The following CSMD1 variants were observed in gnomAD, a reference collection of about 807,000 sequenced individuals.
The protein encoded by CSMD1 is CUB and Sushi multiple domains 1.
A neutral mutation model predicts 417.5 loss-of-function variants in CSMD1; 213 were observed. The ratio of observed to expected loss-of-function variants is 0.51; its 90% CI spans 0.46 to 0.57. CSMD1 has a LOEUF of 0.57. Among genes scored for constraint, CSMD1 ranks in the 20% least tolerant of loss-of-function variants. CSMD1 has a pLI of 0.00. For missense variants in CSMD1, 6,923 were observed against 4,529.7 expected (o/e 1.53, Z -15.17); for synonymous variants, 2,862 against 1,736.8 (o/e 1.65, Z -16.11).
intron 1 of CSMD1, among the ~76,000 whole-genome samples, chr8:4,953,367 T>C (rs1370526128): frequency 6.6e-6 from 1 of 152,144 alleles, no homozygotes; most frequent in Non-Finnish European, 1.5e-5. Context: ...TGAATCACCA[T>C]TTATGGAAGG....
At chr8:4,447,934 C>A (rs1798909623) in intron 2 of CSMD1, among the ~76,000 whole-genome samples, 1 of 152,074 alleles carries the variant, frequency 6.6e-6, no homozygotes, top group African/African-American at 2.4e-5. Context: ...AATTACCACA[C>A]TCACCATATT....
intron 45 of CSMD1, chr8:3,107,299 T>G (rs542515987): frequency 6.3e-6 from 1 of 159,082 alleles, no homozygotes; most frequent in African/African-American, 2.4e-5. Flanking sequence ...CCAGTTTCAA[T>G]GAAATGTCAC....
intron 37 of CSMD1, among the ~76,000 whole-genome samples, chr8:3,177,682 C>T (rs896665429): frequency 2.0e-5 from 3 of 152,116 alleles, no homozygotes; most frequent in African/African-American, 7.2e-5. Flanking sequence ...AATAGAAACA[C>T]TCCAGTCTCG....
intron 10 of CSMD1, among the ~76,000 whole-genome samples, chr8:3,565,055 T>C (rs1193855225): frequency 7.2e-6 from 1 of 138,332 alleles, no homozygotes; most frequent in Admixed American, 8.0e-5. Context: ...AACCTGCACA[T>C]CCTGCACATG....
chr8:4,986,956 T>A (rs1563937297), intron 1 of CSMD1, among the ~76,000 whole-genome samples: 1 of 152,154 alleles, frequency 6.6e-6, no homozygotes, highest in Non-Finnish European at 1.5e-5. Flanking sequence ...CCTATCTATA[T>A]TTAAAATATA....
intron 10 of CSMD1, among the ~76,000 whole-genome samples, chr8:3,508,245 T>C (rs536277199): frequency 6.2e-4 from 95 of 152,122 alleles, no homozygotes; most frequent in African/African-American, 2.1e-3. Flanking sequence ...TTAAGTGGTG[T>C]CTGTGACAGA....
chr8:4,605,102 C>A (rs756375459), intron 2 of CSMD1, among the ~76,000 whole-genome samples: 4 of 152,126 alleles, frequency 2.6e-5, no homozygotes, highest in Admixed American at 2.0e-4. Flanking sequence ...TAACCTGTAC[C>A]AAAGTATTTT....
intron 3 of CSMD1, among the ~76,000 whole-genome samples, chr8:4,343,455 A>G (rs1422790800): frequency 6.6e-6 from 1 of 152,146 alleles, no homozygotes; most frequent in Non-Finnish European, 1.5e-5. Context: ...GTGGTGATGA[A>G]TATGTTACTT....
intron 6 of CSMD1, among the ~76,000 whole-genome samples, chr8:3,730,219 G>C (rs1208029881): frequency 1.3e-5 from 2 of 152,098 alleles, no homozygotes; most frequent in African/African-American, 4.8e-5. Context: ...CTTCCAGTTT[G>C]ATTCCCCATA....
chr8:3,623,973 C>CA (rs1302884016), intron 7 of CSMD1, among the ~76,000 whole-genome samples: 1 of 150,236 alleles, frequency 6.7e-6, no homozygotes. Context: ...CAAAACTCCA[C>CA]AAAAAAACAA....
chr8:3,735,377 T>G (rs1796479133), intron 6 of CSMD1, among the ~76,000 whole-genome samples: 1 of 152,190 alleles, frequency 6.6e-6, no homozygotes, highest in Admixed American at 6.5e-5. Flanking sequence ...CTTTTAATCC[T>G]GGAAGTTGAG....
At chr8:4,425,885 A>T (rs1797520721) in intron 2 of CSMD1, among the ~76,000 whole-genome samples, 1 of 152,138 alleles carries the variant, frequency 6.6e-6, no homozygotes, top group Non-Finnish European at 1.5e-5. Context: ...TCAACAAAAT[A>T]TGACATATGT....
intron 3 of CSMD1, among the ~76,000 whole-genome samples, chr8:4,307,314 C>T (rs921972106): frequency 2.0e-5 from 3 of 152,138 alleles, no homozygotes; most frequent in African/African-American, 7.2e-5. Flanking sequence ...GCACAGGCAT[C>T]ACACATGTCC....
intron 1 of CSMD1, among the ~76,000 whole-genome samples, chr8:4,797,629 T>A (rs187597058): frequency 6.6e-6 from 1 of 152,150 alleles, no homozygotes; most frequent in African/African-American, 2.4e-5. Flanking sequence ...TGAAACAGTA[T>A]AAAGCGAAGA....
chr8:3,240,369 G>A (rs1306215062), intron 26 of CSMD1, among the ~76,000 whole-genome samples: 3 of 152,096 alleles, frequency 2.0e-5, no homozygotes, highest in Non-Finnish European at 2.9e-5. Context: ...GGTTTTGTTA[G>A]GATGGCAAAA....
intron 2 of CSMD1, among the ~76,000 whole-genome samples, chr8:4,461,024 G>A (rs186112676): frequency 2.6e-5 from 4 of 152,030 alleles, no homozygotes; most frequent in Non-Finnish European, 5.9e-5. Context: ...AACAAATCAA[G>A]AAATTCAGAT....
At chr8:3,561,950 C>T (rs887000055) in intron 10 of CSMD1, among the ~76,000 whole-genome samples, 1 of 152,150 alleles carries the variant, frequency 6.6e-6, no homozygotes, top group African/African-American at 2.4e-5. Flanking sequence ...CCGTGAGCTG[C>T]GTGTGCCTGT....
intron 7 of CSMD1, among the ~76,000 whole-genome samples, chr8:3,650,077 G>C (rs1797772949): frequency 6.6e-6 from 1 of 152,146 alleles, no homozygotes; most frequent in Non-Finnish European, 1.5e-5. Context: ...TCAAGAGTTT[G>C]AGACTAGCCT....
intron 7 of CSMD1, among the ~76,000 whole-genome samples, chr8:3,641,363 G>C (rs1013298403): frequency 6.6e-6 from 1 of 152,046 alleles, no homozygotes; most frequent in South Asian, 2.1e-4. Flanking sequence ...CCCTTCATTT[G>C]CCACCTTCGC....
Sources: allele counts gnomAD v4.1 joint callset (sites outside exome capture counted in the v4.1 genomes callset), GRCh38; gene constraint gnomAD v4.1.1; transcripts MANE v1.5; gene names NCBI Gene and HGNC (gene_info 2026-07-23, HGNC 2026-07-21).